MCTP2: variants seen among roughly 807,000 people sequenced by gnomAD.
MCTP2 encodes multiple C2 and transmembrane domain-containing protein 2.
Under a neutral mutation model 111.6 loss-of-function variants are expected in MCTP2, and 132 were observed. The ratio of observed to expected loss-of-function variants is 1.18; its 90% CI spans 1.03 to 1.37. The LOEUF (loss-of-function observed/expected upper bound fraction) is 1.37. Among genes scored for constraint, MCTP2 ranks in the 40% most tolerant of loss-of-function variants. The pLI, the probability that MCTP2 is intolerant of heterozygous loss-of-function variation, is 0.00. For synonymous variants in MCTP2, 395 were observed against 387.7 expected, an observed-to-expected ratio of 1.02 and a Z score of -0.22; for missense variants, 1,183 against 1,067.9, an observed-to-expected ratio of 1.11 and a Z score of -1.50.
chr15:94,243,796 C>T (rs1382631268), intron 1 of MCTP2, among the ~76,000 whole-genome samples: 1 of 144,830 alleles, frequency 6.9e-6, no homozygotes, highest in Non-Finnish European at 1.5e-5. Flanking sequence ...TGTATATACA[C>T]ATATGCGTAT....
At chr15:94,271,056 C>G (rs73462019) in intron 1 of MCTP2, among the ~76,000 whole-genome samples, 4,058 of 152,212 alleles carry the variant, frequency 0.027, 174 homozygotes, top group African/African-American at 0.09. Context: ...GGTTGTATTA[C>G]CAGTCAATCA....
intron 19 of MCTP2, among the ~76,000 whole-genome samples, chr15:94,449,457 C>T (rs369816146): frequency 1.1e-4 from 17 of 152,146 alleles, no homozygotes; most frequent in African/African-American, 2.9e-4. Context: ...GACCATGCTC[C>T]GTTATTGTGA....
chr15:94,299,310 A>AT (rs1033093617), intron 2 of MCTP2, among the ~76,000 whole-genome samples: 3 of 150,914 alleles, frequency 2.0e-5, no homozygotes, highest in Non-Finnish European at 3.0e-5. Context: ...TTTTCCTGGA[A>AT]TTTTTTTTTA....
intron 1 of MCTP2, among the ~76,000 whole-genome samples, chr15:94,233,072 G>A (rs1397557479): frequency 6.6e-6 from 1 of 152,112 alleles, no homozygotes; most frequent in African/African-American, 2.4e-5. Flanking sequence ...ATTCCATGCT[G>A]TCTCTAAGAT....
chr15:94,413,954 A>C (rs1254138723), intron 17 of MCTP2, among the ~76,000 whole-genome samples: 1 of 152,138 alleles, frequency 6.6e-6, no homozygotes, highest in African/African-American at 2.4e-5. Flanking sequence ...TTTAAGTTTG[A>C]ATCTGAAAAT....
intron 1 of MCTP2, 39 bp downstream of exon 1, chr15:94,231,703 G>T (rs1257340100): frequency 6.5e-6 from 1 of 152,762 alleles, no homozygotes; most frequent in South Asian, 2.1e-4. Context: ...GCGCGCGTGG[G>T]CCGGGCAGCA....
chr15:94,266,075 T>TGC (rs923711054), intron 1 of MCTP2, among the ~76,000 whole-genome samples: 35 of 49,996 alleles, frequency 7.0e-4, no homozygotes, highest in South Asian at 5.5e-3. Context: ...TGCATGCGTG[T>TGC]GCGCGCACAC....
At chr15:94,318,409 A>G (rs76434913) in intron 4 of MCTP2, among the ~76,000 whole-genome samples, 78,949 of 151,206 alleles carry the variant, frequency 0.52, 21,211 homozygotes, top group East Asian at 0.61. Context: ...TCAGCCTCCC[A>G]AATAGCTGGG....
chr15:94,267,450 A>G lies in MCTP2; in HGVS notation c.-65-30751A>G, dbSNP rs181102634. Among the ~76,000 whole-genome samples the G allele has an allele frequency of 4.1e-3, 632 of 152,324 alleles. 2 individuals carry two copies. Among genetic ancestry groups the G allele is most frequent in the Non-Finnish European group, 6.5e-3 (444 of 68,022 alleles). ...TATATGGACACATCATATTTAAAAA[A>G]AATCCATTCACGAGTTAATGGAAAG... On this transcript the variant is annotated intron_variant, in intron 1 of 22. Transcript: ENST00000357742.
At chr15:94,283,127 G>C (rs146676668) in intron 1 of MCTP2, among the ~76,000 whole-genome samples, 1 of 152,148 alleles carries the variant, frequency 6.6e-6, no homozygotes, top group African/African-American at 2.4e-5. Context: ...TGACAGGTAG[G>C]TGGGGTCTGC....
chr15:94,243,741 A>G (rs1467541514), intron 1 of MCTP2, among the ~76,000 whole-genome samples: 1 of 141,800 alleles, frequency 7.1e-6, no homozygotes, highest in Non-Finnish European at 1.5e-5. Context: ...GTGTATACAT[A>G]TATGTATACA....
chr15:94,435,472 A>G (rs2083419215), intron 17 of MCTP2, among the ~76,000 whole-genome samples: 1 of 151,988 alleles, frequency 6.6e-6, no homozygotes, highest in African/African-American at 2.4e-5. Context: ...TGCTAGTATT[A>G]ACATCTGAAA....
In MCTP2 at chr15:94,390,078, A is replaced by ATGCATATG. The variant is rs1555464873; in HGVS notation, c.1788+4554_1788+4555insGCATATGT. ...TATATATATATATATATATATATATATATATATATATGTATATATATATAT... is the reference window on the plus strand; with the variant it reads ...TATATATATATATATATATATATATATGCATATGTATATATATATGTATATATATATAT... On this transcript the variant is annotated intron_variant, in intron 14 of 22. Transcript: ENST00000357742. Among the ~76,000 whole-genome samples, 39 of 47,280 alleles carry ATGCATATG rather than the reference A, an allele frequency of 8.2e-4. 1 individual carries two copies. The highest frequency in any genetic ancestry group is 2.3e-3 in the African/African-American group (39 of 17,322). 31.0% of individuals were successfully genotyped at this position (47,280 alleles called of 152,430 possible).
intron 1 of MCTP2, among the ~76,000 whole-genome samples, chr15:94,243,736 T>TATAC (rs1314408720): frequency 1.3e-4 from 18 of 140,570 alleles, no homozygotes; most frequent in African/African-American, 3.2e-4. Flanking sequence ...CATATGTGTA[T>TATAC]ACATATATGT....
Position 94,384,040 on chromosome 15 carries a change from G to T in MCTP2, c.1601G>T (p.Cys534Phe), listed in dbSNP as rs778476637. The change falls in exon 13 of 23, where the codon TGC becomes TTC. Residue 534 changes from cysteine to phenylalanine, a missense_variant. Cys to Phe is a radical substitution (Grantham distance 205). Coordinates refer to ENST00000357742, the MANE Select transcript of MCTP2 (RefSeq NM_001385001.1). ...ADFSGKSDPF[C>F]LLELGNDRLQ... The stretch of plus-strand genomic sequence containing the variant: ...TTTCCAGGGAAGAGTGACCCATTTT[G>T]CTTGTTGGAGTTAGGCAATGACCGA... 3.1e-6 allele frequency: 5 copies of T among 1,613,598 alleles called. No homozygotes were observed. The highest frequency in any genetic ancestry group is 4.2e-6 in the Non-Finnish European group (5 of 1,179,660).
In MCTP2 at chr15:94,340,265, G is replaced by C. The variant is rs200624667; in HGVS notation, c.847G>C (p.Glu283Gln). The change falls in exon 6 of 23, where the codon GAG becomes CAG. Residue 283 changes from glutamate to glutamine, a missense_variant. Coordinates refer to ENST00000357742, the MANE Select transcript of MCTP2 (RefSeq NM_001385001.1). ...GSAFVILSDL[E>Q]LNRTTEHILK... ...TGCATTTGTCATTCTCAGTGATCTT[G>C]AGCTTAACAGGTACCGTATTTTTAC... 1.2e-6 allele frequency: 2 copies of C among 1,611,104 alleles called. No individual in the cohort carries two copies. The highest frequency in any genetic ancestry group is 1.7e-6 in the Non-Finnish European group (2 of 1,177,516).
chr15:94,440,424 C>T (rs2083715370), intron 18 of MCTP2, 126 bp downstream of exon 18: 1 of 1,180,820 alleles, frequency 8.5e-7, no homozygotes. Context: ...CCTGCAAAGG[C>T]ACTCATTTTG....
At chr15:94,363,881 G>A (rs2079058912) in intron 10 of MCTP2, among the ~76,000 whole-genome samples, 1 of 151,992 alleles carries the variant, frequency 6.6e-6, no homozygotes, top group African/African-American at 2.4e-5. Flanking sequence ...GACCTAATTG[G>A]TTCATGCTCA....
intron 20 of MCTP2, among the ~76,000 whole-genome samples, chr15:94,461,167 A>C (rs1439579038): frequency 2.0e-5 from 3 of 152,154 alleles, no homozygotes; most frequent in Non-Finnish European, 4.4e-5. Flanking sequence ...TTTACTCAAC[A>C]TGTAGCATTT....
Sources: gnomAD v4.1 joint callset for allele counts (sites outside exome capture counted in the v4.1 genomes callset) on GRCh38, gnomAD v4.1.1 for gene constraint, MANE v1.5 for transcripts, NCBI Gene and HGNC (gene_info 2026-07-23, HGNC 2026-07-21) for gene names.